The following KHDRBS2 variants were observed in gnomAD, a reference collection of about 807,000 sequenced individuals.
KHDRBS2 encodes the protein KH domain-containing, RNA-binding, signal transduction-associated protein 2.
Under a neutral mutation model 44.3 loss-of-function variants are expected in KHDRBS2, and 26 were observed. The observed-to-expected ratio is 0.59, with a 90% CI of 0.43 to 0.81. KHDRBS2 has a LOEUF of 0.81. Ranked by LOEUF, KHDRBS2 falls within the 40% of genes least tolerant of loss-of-function variation. The pLI is 0.00. For synonymous variants in KHDRBS2, 194 were observed against 151.1 expected (o/e 1.28, Z -2.08); for missense variants, 476 against 433.1 (o/e 1.10, Z -0.88).
At chr6:61,861,400 A>T (rs1414336530) in intron 6 of KHDRBS2, among the ~76,000 whole-genome samples, 1 of 152,174 alleles carries the variant, frequency 6.6e-6, no homozygotes, top group Non-Finnish European at 1.5e-5. Context: ...ATATGGTGTA[A>T]GAAAGGGGTC....
At chr6:61,690,234 T>C (rs911261238) in intron 8 of KHDRBS2, among the ~76,000 whole-genome samples, 1 of 151,946 alleles carries the variant, frequency 6.6e-6, no homozygotes, top group African/African-American at 2.4e-5. Flanking sequence ...GTGGGCAAAA[T>C]TTTTCACCAT....
chr6:62,141,426 G>T (rs1369916967), intron 2 of KHDRBS2, among the ~76,000 whole-genome samples: 4 of 152,080 alleles, frequency 2.6e-5, no homozygotes, highest in Non-Finnish European at 5.9e-5. Flanking sequence ...CCTTAGATAG[G>T]ACAGAAAAAA....
intron 1 of KHDRBS2, among the ~76,000 whole-genome samples, chr6:62,194,480 CTTTTTTTTTTTTTTTTTTTTTTTTT>C (rs70996208): frequency 1.4e-5 from 1 of 69,774 alleles, no homozygotes; most frequent in African/African-American, 6.5e-5. Flanking sequence ...TCTTTTCTTC[CTTTTTTTTTTTTTTTTTTTTTTTTT>C]TTTTTTTTTT....
At chr6:61,647,214 A>G in the KHDRBS2 span, among the ~76,000 whole-genome samples, 3 of 152,188 alleles carry the variant, frequency 2.0e-5, no homozygotes, top group East Asian at 5.8e-4. Context: ...ATGAAAAATG[A>G]TGGTGAAAGT....
At chr6:61,686,694 A>G (rs1040341613) in intron 8 of KHDRBS2, among the ~76,000 whole-genome samples, 1 of 151,638 alleles carries the variant, frequency 6.6e-6, no homozygotes, top group African/African-American at 2.4e-5. Context: ...AAAGCTGAGG[A>G]AACTATGACT....
intron 2 of KHDRBS2, among the ~76,000 whole-genome samples, chr6:62,098,240 A>G (rs1562851944): frequency 7.7e-6 from 1 of 129,778 alleles, no homozygotes; most frequent in African/African-American, 2.9e-5. Context: ...TTATAGCTTC[A>G]AACGTTTTTT....
intron 2 of KHDRBS2, among the ~76,000 whole-genome samples, chr6:62,053,298 C>G (rs1789494809): frequency 6.6e-6 from 1 of 151,548 alleles, no homozygotes; most frequent in South Asian, 2.1e-4. Flanking sequence ...GAGAATATAA[C>G]CTTCATACCA....
intron 4 of KHDRBS2, among the ~76,000 whole-genome samples, chr6:61,919,563 C>T (rs917141299): frequency 6.6e-6 from 1 of 151,844 alleles, no homozygotes. Flanking sequence ...AATGTATTGA[C>T]TACTTTTTTG....
At chr6:62,005,441 A>C in intron 3 of KHDRBS2, among the ~76,000 whole-genome samples, 1 of 151,984 alleles carries the variant, frequency 6.6e-6, no homozygotes, top group Non-Finnish European at 1.5e-5. Flanking sequence ...AATTATTTAA[A>C]TATGCTTTAA....
intron 2 of KHDRBS2, among the ~76,000 whole-genome samples, chr6:62,048,372 T>A (rs916268657): frequency 6.6e-6 from 1 of 151,954 alleles, no homozygotes; most frequent in East Asian, 1.9e-4. Context: ...AAATAAGAGA[T>A]GATTTTAACG....
chr6:62,124,370 T>C (rs1808445694), intron 2 of KHDRBS2, among the ~76,000 whole-genome samples: 1 of 152,170 alleles, frequency 6.6e-6, no homozygotes, highest in South Asian at 2.1e-4. Flanking sequence ...GTGATCCTAT[T>C]TCCAAAAACC....
chr6:62,268,775 AG>A (rs1839614105), intron 1 of KHDRBS2, among the ~76,000 whole-genome samples: 1 of 152,046 alleles, frequency 6.6e-6, no homozygotes. Context: ...AGGATTACAT[AG>A]CTATGTATAA....
At chr6:61,597,735 TA>T in the KHDRBS2 span, among the ~76,000 whole-genome samples, 1 of 36,648 alleles carries the variant, frequency 2.7e-5, no homozygotes, top group Non-Finnish European at 4.8e-5. Flanking sequence ...GCACCTTTTA[TA>T]TATATATATA....
chr6:62,164,753 T>C (rs746207044), intron 2 of KHDRBS2, among the ~76,000 whole-genome samples: 5 of 151,916 alleles, frequency 3.3e-5, no homozygotes, highest in Admixed American at 6.6e-5. Context: ...TTTTGCAAAA[T>C]TGCCCTCTAA....
At chr6:61,950,581 A>T (rs553622402) in intron 4 of KHDRBS2, among the ~76,000 whole-genome samples, 2 of 151,994 alleles carry the variant, frequency 1.3e-5, no homozygotes, top group South Asian at 4.1e-4. Context: ...TAATTCTCTT[A>T]TCTTGATGGA....
intron 2 of KHDRBS2, among the ~76,000 whole-genome samples, chr6:62,121,974 A>G (rs564981336): frequency 2.5e-4 from 38 of 152,204 alleles, no homozygotes; most frequent in African/African-American, 8.7e-4. Flanking sequence ...AGAAAGAGGC[A>G]CAACACCTAG....
At chr6:62,207,696 G>A (rs1828237803) in intron 1 of KHDRBS2, among the ~76,000 whole-genome samples, 1 of 152,138 alleles carries the variant, frequency 6.6e-6, no homozygotes. Flanking sequence ...CCCATTGATT[G>A]TCATATGGCT....
chr6:61,711,673 G>A (rs1770535782), intron 7 of KHDRBS2, among the ~76,000 whole-genome samples: 1 of 151,638 alleles, frequency 6.6e-6, no homozygotes, highest in Admixed American at 6.6e-5. Context: ...CCATTTTTTT[G>A]TGCCAGTCAA....
chr6:61,595,767 C>A, the KHDRBS2 span, among the ~76,000 whole-genome samples: 1 of 151,566 alleles, frequency 6.6e-6, no homozygotes, highest in South Asian at 2.1e-4. Context: ...TGATATAAAA[C>A]GATGTCAAAG....
Sources: allele counts gnomAD v4.1 joint callset (sites outside exome capture counted in the v4.1 genomes callset), GRCh38; gene constraint gnomAD v4.1.1; transcripts MANE v1.5; gene names NCBI Gene and HGNC (gene_info 2026-07-23, HGNC 2026-07-21).